CDK14: variants seen among roughly 807,000 people sequenced by gnomAD.
CDK14 encodes cyclin-dependent kinase 14.
CDK14 carries 34 observed loss-of-function variants against 60.7 expected under a neutral mutation model. The observed-to-expected ratio is 0.56, with a 90% confidence interval of 0.43 to 0.75. The LOEUF is 0.75. CDK14 is among the 30% of genes least tolerant of loss of function. The pLI is 0.00. For synonymous variants in CDK14, 197 were observed against 203.7 expected, an observed-to-expected ratio of 0.97 and a Z score of 0.28; for missense variants, 482 against 564.1, an observed-to-expected ratio of 0.85 and a Z score of 1.47.
chr7:90,659,729 A>T (rs2116499569), intron 2 of CDK14, among the ~76,000 whole-genome samples: 1 of 152,298 alleles, frequency 6.6e-6, no homozygotes, highest in African/African-American at 2.4e-5. Flanking sequence ...AATGAAGGAA[A>T]GTGTCCAAGA....
chr7:91,058,870 T>G (rs1797677817), intron 11 of CDK14, among the ~76,000 whole-genome samples: 1 of 152,212 alleles, frequency 6.6e-6, no homozygotes, highest in Non-Finnish European at 1.5e-5. Flanking sequence ...ATTCTCTTTT[T>G]TTGTTGTGTC....
chr7:90,830,115 G>T (rs551510361), intron 5 of CDK14, among the ~76,000 whole-genome samples: 11 of 152,286 alleles, frequency 7.2e-5, no homozygotes, highest in African/African-American at 2.6e-4. Flanking sequence ...GATTCTGTGT[G>T]GGGGCTCCAA....
intron 14 of CDK14, among the ~76,000 whole-genome samples, chr7:91,141,509 A>G (rs890496941): frequency 6.6e-6 from 1 of 152,202 alleles, no homozygotes; most frequent in Non-Finnish European, 1.5e-5. Flanking sequence ...AGCCTCTGGC[A>G]TAATAGGACT....
At chr7:90,999,356 AG>A (rs1468106007) in intron 10 of CDK14, among the ~76,000 whole-genome samples, 1 of 151,918 alleles carries the variant, frequency 6.6e-6, no homozygotes, top group Non-Finnish European at 1.5e-5. Flanking sequence ...TAGGAGGTCG[AG>A]GTGGGCAGAT....
intron 10 of CDK14, among the ~76,000 whole-genome samples, chr7:90,996,376 A>G (rs1349564139): frequency 1.3e-5 from 2 of 152,196 alleles, no homozygotes. Flanking sequence ...CTGACCTTGT[A>G]TCATCTCTTG....
chr7:90,696,850 A>G (rs993373697), intron 2 of CDK14, among the ~76,000 whole-genome samples: 5 of 152,140 alleles, frequency 3.3e-5, no homozygotes, highest in Non-Finnish European at 7.4e-5. Context: ...GATTCTGAGG[A>G]GGCAGAGCCA....
At chr7:90,672,502 G>GTTTTT (rs201978996) in intron 2 of CDK14, among the ~76,000 whole-genome samples, 3 of 49,994 alleles carry the variant, frequency 6.0e-5, no homozygotes, top group African/African-American at 2.4e-4. Flanking sequence ...TTCTTCTTCT[G>GTTTTT]TTTTTTTTTT....
chr7:90,947,101 G>A (rs756528193), intron 8 of CDK14, among the ~76,000 whole-genome samples: 3 of 152,130 alleles, frequency 2.0e-5, no homozygotes, highest in Non-Finnish European at 2.9e-5. Context: ...CAGGCTTTTT[G>A]TCTGATTATC....
intron 9 of CDK14, among the ~76,000 whole-genome samples, chr7:90,971,097 GGT>G (rs1446219704): frequency 6.7e-6 from 1 of 148,318 alleles, no homozygotes; most frequent in African/African-American, 2.5e-5. Context: ...AACAGTCCCC[GGT>G]GTGTGTCCAT....
intron 4 of CDK14, among the ~76,000 whole-genome samples, chr7:90,775,157 A>G (rs1218457437): frequency 6.6e-6 from 1 of 151,878 alleles, no homozygotes; most frequent in Non-Finnish European, 1.5e-5. Context: ...GAATGCTTTA[A>G]ACACATCTTT....
At chr7:90,827,791 T>C (rs1227935553) in intron 5 of CDK14, among the ~76,000 whole-genome samples, 1 of 152,232 alleles carries the variant, frequency 6.6e-6, no homozygotes, top group Admixed American at 6.5e-5. Context: ...AAATTTAATA[T>C]ATTTGGTTCT....
chr7:91,056,326 T>C (rs966309657), intron 11 of CDK14, among the ~76,000 whole-genome samples: 4 of 151,314 alleles, frequency 2.6e-5, no homozygotes, highest in South Asian at 2.1e-4. Context: ...CTCTCTTAGG[T>C]GCCTGGAAAT....
chr7:90,710,324 A>AT lies in CDK14; in HGVS notation c.124-16234dup, dbSNP rs374598748. 2.2e-3 allele frequency: 2,128 copies of AT among 973,464 alleles called. 8 individuals carry two copies. Among genetic ancestry groups the AT allele is most frequent in the South Asian group, 9.2e-3 (192 of 20,974 alleles). 60.3% of individuals were successfully genotyped at this position (973,464 alleles called of 1,614,324 possible). A position where few individuals can be genotyped will look rare whatever the true frequency, so the allele number is the denominator to read the frequency against. ...TTATTACAGCTGAAAGAGATCTTAC[A>AT]TTTTTTTTTGCCTGGCTGTGCTTGG... is the stretch of plus-strand genomic sequence containing the variant. On this transcript the variant is annotated intron_variant, in intron 2 of 14. Transcript: ENST00000380050.
At chr7:90,809,824 A>G (rs961883222) in intron 5 of CDK14, among the ~76,000 whole-genome samples, 5 of 152,248 alleles carry the variant, frequency 3.3e-5, no homozygotes, top group African/African-American at 1.2e-4. Flanking sequence ...GACTACCATC[A>G]GAGAATACTA....
chr7:91,019,651 G>T (rs977643139), intron 10 of CDK14, among the ~76,000 whole-genome samples: 2 of 151,792 alleles, frequency 1.3e-5, no homozygotes, highest in Non-Finnish European at 2.9e-5. Context: ...TTTATGCATT[G>T]GTTTTGTTAT....
intron 2 of CDK14, among the ~76,000 whole-genome samples, chr7:90,712,800 G>A (rs1802112446): frequency 6.6e-6 from 1 of 152,038 alleles, no homozygotes; most frequent in African/African-American, 2.4e-5. Context: ...ATTAACATTT[G>A]AATTTCACCC....
intron 3 of CDK14, among the ~76,000 whole-genome samples, chr7:90,728,840 G>A (rs1802738481): frequency 1.3e-5 from 2 of 152,048 alleles, no homozygotes; most frequent in African/African-American, 4.8e-5. Context: ...GGGACTCTTG[G>A]TGAAGACCTA....
At chr7:90,597,833 G>GTTTTTTTTTTTTTTTTTTTTTTT (rs11351927) in intron 1 of CDK14, among the ~76,000 whole-genome samples, 3 of 138,612 alleles carry the variant, frequency 2.2e-5, no homozygotes, top group Non-Finnish European at 1.6e-5. Flanking sequence ...ATTTAGCCAA[G>GTTTTTTTTTTTTTTTTTTTTTTT]TTTTTTTTTT....
intron 9 of CDK14, among the ~76,000 whole-genome samples, chr7:90,978,600 A>G (rs549118098): frequency 3.3e-5 from 5 of 152,224 alleles, no homozygotes; most frequent in Admixed American, 1.3e-4. Context: ...AAAATAACCT[A>G]TCCCTCTTCT....
Sources: allele counts gnomAD v4.1 joint callset (sites outside exome capture counted in the v4.1 genomes callset), GRCh38; gene constraint gnomAD v4.1.1; transcripts MANE v1.5; gene names NCBI Gene and HGNC (gene_info 2026-07-23, HGNC 2026-07-21).